Variants in SLC17A6 observed in about 807,000 individuals in gnomAD.
SLC17A6 encodes the protein solute carrier family 17 member 6.
SLC17A6 carries 35 observed loss-of-function variants against 67.1 expected under a neutral mutation model. The observed-to-expected ratio is 0.52, with a 90% confidence interval of 0.40 to 0.69. SLC17A6 has a LOEUF of 0.69. Among genes scored for constraint, SLC17A6 ranks in the 30% least tolerant of loss-of-function variants. SLC17A6 has a pLI of 0.00. For synonymous variants in SLC17A6, 285 were observed against 252.3 expected (o/e 1.13, Z -1.23); for missense variants, 588 against 723.9 (o/e 0.81, Z 2.15).
intron 7 of SLC17A6, among the ~76,000 whole-genome samples, chr11:22,368,341 T>A (rs1856136415): frequency 3.3e-5 from 5 of 152,052 alleles, no homozygotes. Flanking sequence ...TATTGCAAAG[T>A]CTTTTAAATC....
In SLC17A6 at chr11:22,359,424, C is replaced by T. The variant is rs1856025060; in HGVS notation, c.470C>T (p.Ala157Val). ...SRLAANRVFG[A>V]AILLTSTLNM... ...CTTTTCTATTTCAGGGTTTTCGGAG[C>T]TGCCATACTTCTTACCTCTACCCTA... The change falls in exon 4 of 12, where the codon GCT becomes GTT. Residue 157 changes from alanine to valine, a missense_variant. By Grantham distance (64) the Ala-to-Val change is moderately conservative. Transcript: ENST00000263160. 1 of 1,571,768 alleles carries T rather than the reference C, an allele frequency of 6.4e-7. No individual in the cohort carries two copies. Among genetic ancestry groups the T allele is most frequent in the Non-Finnish European group, 8.6e-7 (1 of 1,158,562 alleles).
At chr11:22,342,865 A>G (rs971796733) in intron 2 of SLC17A6, 4 of 447,114 alleles carry the variant, frequency 8.9e-6, no homozygotes, top group Admixed American at 5.0e-5. Context: ...CTGTGTCTGC[A>G]TTGGCCGGAT....
At position 22,341,786 on chromosome 11, in the gene SLC17A6, C is replaced by A. The variant is rs925534030; in HGVS notation, c.339+6C>A. ...GGGGCAAGGTCATCAAGGAGGTGGG[C>A]AACGTCTGGCCGCCCTGGCTCCTGC... On this transcript the variant is annotated splice_donor_region_variant and intron_variant, in intron 2 of 11. Transcript: ENST00000263160. The A allele has an allele frequency of 3.7e-6, 6 of 1,612,740 alleles. No homozygotes were observed. In the African/African-American group the frequency reaches 5.3e-5, roughly 14 times the overall value.
chr11:22,367,350 C>T (rs1455506135), intron 7 of SLC17A6, among the ~76,000 whole-genome samples: 1 of 151,840 alleles, frequency 6.6e-6, no homozygotes, highest in Non-Finnish European at 1.5e-5. Flanking sequence ...AGAAAAATCC[C>T]ATATCATATA....
In SLC17A6 at chr11:22,354,173, T is replaced by C. The variant is rs1303553593; in HGVS notation, c.459-5240T>C. On this transcript the variant is annotated intron_variant, in intron 3 of 11. Coordinates refer to ENST00000263160, the MANE Select transcript of SLC17A6 (RefSeq NM_020346.3). ...ATCTCAGCTCACCACAACCTCTGCC[T>C]CCCGGGTTCAAGTGATTCTCCTGCC... Among the ~76,000 whole-genome samples the C allele has an allele frequency of 2.0e-5, 3 of 152,148 alleles. No individual in the cohort carries two copies. In the East Asian group the frequency reaches 5.8e-4, roughly 29 times the overall value.
intron 3 of SLC17A6, among the ~76,000 whole-genome samples, chr11:22,353,075 G>T (rs1451242621): frequency 6.6e-6 from 1 of 152,160 alleles, no homozygotes; most frequent in Non-Finnish European, 1.5e-5. Context: ...TGGAGAAAAA[G>T]ATGCGAAATA....
chr11:22,356,118 C>T (rs544807591), intron 3 of SLC17A6, among the ~76,000 whole-genome samples: 1 of 152,194 alleles, frequency 6.6e-6, no homozygotes, highest in East Asian at 1.9e-4. Context: ...GTTTCAATTT[C>T]CTTATTTATA....
intron 3 of SLC17A6, among the ~76,000 whole-genome samples, chr11:22,344,864 C>T (rs1354848391): frequency 6.6e-6 from 1 of 151,744 alleles, no homozygotes; most frequent in Non-Finnish European, 1.5e-5. Context: ...TTTTAGATCC[C>T]CAATATATAT....
rs541573307 is a variant in SLC17A6 at position 22,378,005 on chromosome 11, C to T, written c.*265C>T. ...TCAAAATTGTAGAAACAAGTAGTTA[C>T]CCATTGGATTCATATGAGCTAAAAC... On this transcript the variant is annotated 3_prime_UTR_variant, in exon 12 of 12. Transcript: ENST00000263160. The T allele has an allele frequency of 3.5e-5, 17 of 483,130 alleles. No homozygotes were observed. The East Asian group carries it at 4.8e-4, about 14-fold the overall frequency. The allele number at this position is 483,130 out of a possible 1,614,324, so 29.9% of individuals were successfully genotyped here.
At chr11:22,363,062 G>A (rs967101017) in intron 6 of SLC17A6, among the ~76,000 whole-genome samples, 13 of 152,246 alleles carry the variant, frequency 8.5e-5, no homozygotes, top group Middle Eastern at 3.4e-3. Context: ...CAGGAACTTT[G>A]TCATTTAGTA....
At chr11:22,376,190 TATATTCTATATG>T (rs1268929413) in intron 10 of SLC17A6, 98 bp downstream of exon 10, 1 of 655,832 alleles carries the variant, frequency 1.5e-6, no homozygotes, top group Non-Finnish European at 2.5e-6. Context: ...TCTTCATATA[TATATTCTATATG>T]TTGAATAATA....
At chr11:22,343,584 G>T (rs1346429631) in intron 3 of SLC17A6, among the ~76,000 whole-genome samples, 1 of 152,150 alleles carries the variant, frequency 6.6e-6, no homozygotes, top group Non-Finnish European at 1.5e-5. Flanking sequence ...CAGCGCACGC[G>T]GCCTCCTTCC....
chr11:22,349,422 A>C (rs887498889), intron 3 of SLC17A6, among the ~76,000 whole-genome samples: 9 of 152,204 alleles, frequency 5.9e-5, no homozygotes, highest in Admixed American at 1.3e-4. Flanking sequence ...ACAAAAGAAA[A>C]TACCCTTTAC....
At chr11:22,375,058 A>G (rs16925174) in intron 9 of SLC17A6, among the ~76,000 whole-genome samples, 171 bp downstream of exon 9, 29 of 152,156 alleles carry the variant, frequency 1.9e-4, no homozygotes, top group Non-Finnish European at 2.6e-4. Context: ...CATAACTCCT[A>G]GTTTTAAGTA....
intron 3 of SLC17A6, among the ~76,000 whole-genome samples, chr11:22,353,281 G>C (rs888446680): frequency 6.6e-6 from 1 of 152,120 alleles, no homozygotes; most frequent in Non-Finnish European, 1.5e-5. Context: ...TTTAAGTTAT[G>C]ACAACTTGCC....
chr11:22,341,663 C>T lies in SLC17A6; in HGVS notation c.222C>T (p.Ala74=), dbSNP rs1452280222. The T allele has an allele frequency of 6.2e-7, 1 of 1,614,242 alleles. No individual in the cohort carries two copies. Among genetic ancestry groups the T allele is most frequent in the Non-Finnish European group, 8.5e-7 (1 of 1,180,052 alleles). The change falls in exon 2 of 12, where the codon GCC becomes GCT. Residue 74 remains alanine (A), a synonymous_variant. Transcript: ENST00000263160. ...CFGLPRRYII[A]IMSGLGFCIS... ...GCCTGCCCCGCCGCTACATTATCGC[C>T]ATCATGAGCGGCCTGGGCTTCTGCA...
At position 22,341,772 on chromosome 11, in the gene SLC17A6, A is replaced by C. The variant is rs1230112951; in HGVS notation, c.331A>C (p.Ile111Leu). ...CACCATCCACCGCGGGGGCAAGGTCATCAAGGAGGTGGGCAACGTCTGGCC... is the reference window on the plus strand; with the variant it reads ...CACCATCCACCGCGGGGGCAAGGTCCTCAAGGAGGTGGGCAACGTCTGGCC... ...NSTIHRGGKVIKEKAKFNWDP... is the reference protein window; with the variant it reads ...NSTIHRGGKVLKEKAKFNWDP... The change falls in exon 2 of 12, where the codon ATC (isoleucine) becomes CTC (leucine). Residue 111 changes from isoleucine (I) to leucine (L), a missense_variant. By Grantham distance (5) the Ile-to-Leu change is conservative (BLOSUM62 2). Transcript: ENST00000263160. 3 of 1,613,660 alleles carry C rather than the reference A, an allele frequency of 1.9e-6. No individual in the cohort carries two copies. The highest frequency in any genetic ancestry group is 1.7e-6 in the Non-Finnish European group (2 of 1,179,744).
intron 3 of SLC17A6, among the ~76,000 whole-genome samples, chr11:22,346,377 G>C (rs554834641): frequency 1.7e-4 from 26 of 152,252 alleles, no homozygotes; most frequent in Non-Finnish European, 3.2e-4. Context: ...GCAGACTCCT[G>C]GTTCTTATAC....
intron 2 of SLC17A6, 108 bp downstream of exon 2, chr11:22,341,888 G>T (rs770641611): frequency 1.3e-5 from 20 of 1,484,972 alleles, no homozygotes; most frequent in Non-Finnish European, 1.7e-5. Flanking sequence ...GAAGGTTTGG[G>T]TGCTCCCTAA....
Sources: gnomAD v4.1 joint callset for allele counts (sites outside exome capture counted in the v4.1 genomes callset) on GRCh38, gnomAD v4.1.1 for gene constraint, MANE v1.5 for transcripts, NCBI Gene and HGNC (gene_info 2026-07-23, HGNC 2026-07-21) for gene names.